RFC3: variants seen among roughly 807,000 people sequenced by gnomAD.
The protein encoded by RFC3 is replication factor C subunit 3.
Under a neutral mutation model 45.1 loss-of-function variants are expected in RFC3, and 41 were observed. The ratio of observed to expected loss-of-function variants is 0.91; its 90% CI spans 0.71 to 1.18. The LOEUF (loss-of-function observed/expected upper bound fraction) is 1.18, where lower values mean the gene tolerates loss of function less well. Among genes scored for constraint, RFC3 ranks in the 50% most tolerant of loss-of-function variants. RFC3 has a pLI of 0.00. For missense variants in RFC3, 423 were observed against 428.1 expected, an observed-to-expected ratio of 0.99 and a Z score of 0.10; for synonymous variants, 149 against 144.0, an observed-to-expected ratio of 1.03 and a Z score of -0.25.
At chr13:33,824,037 CT>C in intron 3 of RFC3, 53 bp downstream of exon 3, 1 of 906,176 alleles carries the variant, frequency 1.1e-6, no homozygotes, top group Admixed American at 2.8e-5. Flanking sequence ...TGGTTTTGGG[CT>C]TTCTTTTTTT....
chr13:33,887,819 A>G (rs1023448434), intron 8 of RFC3, among the ~76,000 whole-genome samples: 9 of 151,958 alleles, frequency 5.9e-5, no homozygotes, highest in African/African-American at 2.2e-4. Flanking sequence ...GGTGTAAGGA[A>G]GGGATCCAGT....
At chr13:33,915,507 A>G (rs982215991) in intron 8 of RFC3, among the ~76,000 whole-genome samples, 13 of 152,158 alleles carry the variant, frequency 8.5e-5, no homozygotes, top group Admixed American at 2.0e-4. Context: ...AATATCCACT[A>G]GCAATGAAGA....
intron 8 of RFC3, chr13:33,835,592 C>T: frequency 5.0e-6 from 2 of 402,296 alleles, no homozygotes; most frequent in South Asian, 4.0e-5. Context: ...TTTTAACAGA[C>T]CTCTTTTCTA....
intron 8 of RFC3, among the ~76,000 whole-genome samples, chr13:33,880,920 G>C (rs2082479069): frequency 6.6e-6 from 1 of 152,114 alleles, no homozygotes; most frequent in African/African-American, 2.4e-5. Flanking sequence ...GCTGGACGTG[G>C]TGGTGGGCGC....
At chr13:33,831,953 C>T (rs776471217) in intron 7 of RFC3, among the ~76,000 whole-genome samples, 76 of 152,160 alleles carry the variant, frequency 5.0e-4, no homozygotes, top group Non-Finnish European at 2.6e-4. Flanking sequence ...GATGACCATG[C>T]GTTCTACTAA....
At chr13:33,882,376 ATGTT>A (rs2137601472) in intron 8 of RFC3, among the ~76,000 whole-genome samples, 1 of 152,316 alleles carries the variant, frequency 6.6e-6, no homozygotes, top group Admixed American at 6.5e-5. Flanking sequence ...TATGGACTGA[ATGTT>A]TGTGTCCTCC....
At chr13:33,893,051 C>G (rs9570545) in intron 8 of RFC3, among the ~76,000 whole-genome samples, 17,437 of 152,132 alleles carry the variant, frequency 0.11, 2,048 homozygotes, top group African/African-American at 0.3. Flanking sequence ...CCAGAAGGGA[C>G]AATATCACTG....
chr13:33,867,063 A>G (rs1409018903), intron 8 of RFC3, among the ~76,000 whole-genome samples: 4 of 152,214 alleles, frequency 2.6e-5, no homozygotes, highest in Non-Finnish European at 5.9e-5. Flanking sequence ...GGAAGGGCCA[A>G]CTGGAAGTTT....
At chr13:33,897,297 ATTCTT>A (rs2082606516) in intron 8 of RFC3, among the ~76,000 whole-genome samples, 1 of 151,942 alleles carries the variant, frequency 6.6e-6, no homozygotes, top group South Asian at 2.1e-4. Context: ...TTTTGTTTCT[ATTCTT>A]TGTTTCTATT....
At chr13:33,952,141 T>C (rs900239377) in intron 8 of RFC3, among the ~76,000 whole-genome samples, 1 of 152,226 alleles carries the variant, frequency 6.6e-6, no homozygotes, top group Non-Finnish European at 1.5e-5. Flanking sequence ...GTTTAGCTTG[T>C]TTATGTCTGG....
Position 33,850,090 on chromosome 13 carries a change from C to A in RFC3, c.879+14873C>A, listed in dbSNP as rs973227880. On this transcript the variant is annotated intron_variant, in intron 8 of 8. Transcript: ENST00000434425. The stretch of plus-strand genomic sequence containing the variant: ...AGAAATACTTCAAAAACATTAACTT[C>A]TTGATTTTCTTAAAAAATCAAATTT... 3.3e-5 allele frequency: 5 copies of A among 152,040 alleles called. No homozygotes were observed. In the East Asian group the frequency reaches 9.6e-4, roughly 29 times the overall value. 9.4% of individuals were successfully genotyped at this position (152,040 alleles called of 1,614,324 possible). A position where few individuals can be genotyped will look rare whatever the true frequency, so the allele number is the denominator to read the frequency against.
At chr13:33,928,777 A>G (rs1005161695) in intron 8 of RFC3, among the ~76,000 whole-genome samples, 2 of 152,046 alleles carry the variant, frequency 1.3e-5, no homozygotes, top group African/African-American at 4.8e-5. Context: ...TCAGTGAACT[A>G]GGCAGGTATA....
chr13:33,857,408 G>A (rs2082314790), intron 8 of RFC3, among the ~76,000 whole-genome samples: 1 of 152,148 alleles, frequency 6.6e-6, no homozygotes, highest in Admixed American at 6.5e-5. Context: ...TGACATTTAA[G>A]CCGCCTGCCC....
chr13:33,819,153 A>G (rs1330094391), intron 1 of RFC3, among the ~76,000 whole-genome samples: 2 of 152,130 alleles, frequency 1.3e-5, no homozygotes, highest in African/African-American at 4.8e-5. Flanking sequence ...CGGCCTCCCA[A>G]AGTGCTGGGA....
chr13:33,855,311 T>C (rs2082302004), intron 8 of RFC3, among the ~76,000 whole-genome samples: 1 of 152,166 alleles, frequency 6.6e-6, no homozygotes, highest in African/African-American at 2.4e-5. Flanking sequence ...GATGGATTTT[T>C]TTTCCCACAA....
At chr13:33,826,295 A>G (rs1236200683) in intron 4 of RFC3, among the ~76,000 whole-genome samples, 3 of 152,150 alleles carry the variant, frequency 2.0e-5, no homozygotes, top group Non-Finnish European at 1.5e-5. Context: ...AGATTTTGTG[A>G]TAATAAATAT....
chr13:33,899,873 T>C (rs1174157233), intron 8 of RFC3, among the ~76,000 whole-genome samples: 2 of 151,994 alleles, frequency 1.3e-5, no homozygotes, highest in Non-Finnish European at 2.9e-5. Context: ...GTAGCATTTA[T>C]ATATGCCAAT....
intron 7 of RFC3, among the ~76,000 whole-genome samples, chr13:33,834,888 G>C (rs376806684): frequency 6.6e-6 from 1 of 152,204 alleles, no homozygotes; most frequent in Non-Finnish European, 1.5e-5. Flanking sequence ...CATTTTAAAA[G>C]AGTTCTGAAA....
At chr13:33,954,882 C>T (rs1246298318) in intron 8 of RFC3, among the ~76,000 whole-genome samples, 1 of 152,206 alleles carries the variant, frequency 6.6e-6, no homozygotes, top group East Asian at 1.9e-4. Context: ...GGAACACAAA[C>T]CTTCAGTCCA....
Sources: gnomAD v4.1 joint callset for allele counts (sites outside exome capture counted in the v4.1 genomes callset) on GRCh38, gnomAD v4.1.1 for gene constraint, MANE v1.5 for transcripts, NCBI Gene and HGNC (gene_info 2026-07-23, HGNC 2026-07-21) for gene names.